INSL6: variants seen among roughly 807,000 people sequenced by gnomAD.
INSL6 encodes the protein insulin-like peptide INSL6.
In INSL6, 16 loss-of-function variants were observed where a neutral mutation model predicts 9.4. The observed-to-expected ratio is 1.70, with a 90% confidence interval of 1.15 to 2.59. The LOEUF (loss-of-function observed/expected upper bound fraction) is 2.59, where lower values mean the gene tolerates loss of function less well. INSL6 is among the 30% of genes most tolerant of loss of function. The probability of loss-of-function intolerance (pLI) is 0.00; values close to 1 mark genes in which losing one functional copy is unlikely to be tolerated. For missense variants in INSL6, 391 were observed against 257.3 expected, an observed-to-expected ratio of 1.52 and a Z score of -3.56; for synonymous variants, 154 against 96.9, an observed-to-expected ratio of 1.59 and a Z score of -3.46.
chr9:5,164,183 G>T lies in INSL6; in HGVS notation c.372C>A (p.Pro124=), dbSNP rs35192311. ...AAGAAAATTCTCTTGTCTTACCAAG[G>T]GGTGAATATCCCTTTTTATCCTTAT... ...PEYKDKKGYS[P]LGKTREFSSS... is the part of the protein sequence containing the mutation. The change falls in exon 2 of 2, where the codon CCC becomes CCA. Residue 124 remains proline (P), a synonymous_variant. Transcript: ENST00000381641. 15 of 1,606,976 alleles carry T rather than the reference G, an allele frequency of 9.3e-6. No individual in the cohort carries two copies. The highest frequency in any genetic ancestry group is 1.2e-5 in the Non-Finnish European group (14 of 1,177,290).
chr9:5,071,514 A>C, the INSL6 span, among the ~76,000 whole-genome samples: 2 of 152,208 alleles, frequency 1.3e-5, no homozygotes, highest in Non-Finnish European at 2.9e-5. Flanking sequence ...AAATATCCTC[A>C]TTGACATTAA....
chr9:5,111,624 T>A, the INSL6 span: 3 of 374,872 alleles, frequency 8.0e-6, no homozygotes, highest in South Asian at 6.1e-5. Flanking sequence ...TTTGGCCCCA[T>A]GCTGGGCGGG....
At chr9:5,064,509 G>A in the INSL6 span, among the ~76,000 whole-genome samples, 8 of 148,860 alleles carry the variant, frequency 5.4e-5, no homozygotes, top group South Asian at 2.1e-4. Flanking sequence ...CAGCCTGGGC[G>A]ATGGAGCAAG....
At chr9:5,075,827 C>T in the INSL6 span, among the ~76,000 whole-genome samples, 3 of 152,082 alleles carry the variant, frequency 2.0e-5, no homozygotes, top group Non-Finnish European at 4.4e-5. Context: ...GATAGTGATT[C>T]CTCTGGTGGA....
At chr9:5,024,255 CA>C in the INSL6 span, among the ~76,000 whole-genome samples, 5 of 151,168 alleles carry the variant, frequency 3.3e-5, no homozygotes, top group East Asian at 3.9e-4. Context: ...GACTCCATCT[CA>C]AAAAAAAATT....
downstream of INSL6, among the ~76,000 whole-genome samples, chr9:5,120,540 A>G (rs944698984): frequency 2.6e-5 from 4 of 152,154 alleles, no homozygotes; most frequent in African/African-American, 4.8e-5. Context: ...TAACTGGGGG[A>G]AAAAGTGCCT....
the INSL6 span, among the ~76,000 whole-genome samples, chr9:5,107,034 AAT>A: frequency 6.6e-6 from 1 of 152,156 alleles, no homozygotes; most frequent in African/African-American, 2.4e-5. Flanking sequence ...GTATAATAAA[AAT>A]ATATATACAT....
At chr9:5,083,397 C>T in the INSL6 span, among the ~76,000 whole-genome samples, 60 of 152,312 alleles carry the variant, frequency 3.9e-4, no homozygotes, top group African/African-American at 1.4e-3. Context: ...ATAAGGTTCT[C>T]ACTAGTAAGT....
At chr9:5,172,190 C>G (rs1159843038) in intron 1 of INSL6, among the ~76,000 whole-genome samples, 2 of 152,174 alleles carry the variant, frequency 1.3e-5, no homozygotes. Flanking sequence ...GACCGCACAT[C>G]TATGACCATC....
the INSL6 span, among the ~76,000 whole-genome samples, chr9:5,116,811 T>C: frequency 1.3e-5 from 2 of 152,168 alleles, no homozygotes; most frequent in Non-Finnish European, 2.9e-5. Flanking sequence ...CATAGTCCCT[T>C]CAAGAGCTCA....
chr9:5,050,234 CT>C, the INSL6 span, among the ~76,000 whole-genome samples: 1 of 152,086 alleles, frequency 6.6e-6, no homozygotes, highest in Non-Finnish European at 1.5e-5. Context: ...TGCAAATGAA[CT>C]TTTATTAAAA....
the INSL6 span, among the ~76,000 whole-genome samples, chr9:4,998,520 G>C: frequency 6.6e-6 from 1 of 152,140 alleles, no homozygotes; most frequent in Admixed American, 6.5e-5. Context: ...CTCCCAAAGT[G>C]CTGGGATTAC....
chr9:5,068,890 C>G, the INSL6 span: 32 of 555,372 alleles, frequency 5.8e-5, no homozygotes, highest in Non-Finnish European at 9.4e-5. Flanking sequence ...TATCACTATA[C>G]TGGCACTACA....
chr9:5,177,897 T>C (rs1825349165), intron 1 of INSL6, among the ~76,000 whole-genome samples: 1 of 152,018 alleles, frequency 6.6e-6, no homozygotes, highest in Non-Finnish European at 1.5e-5. Context: ...CTTTTTTGAG[T>C]TGGAGTCTCG....
chr9:5,167,774 A>C (rs540823439), intron 1 of INSL6, among the ~76,000 whole-genome samples: 1 of 152,258 alleles, frequency 6.6e-6, no homozygotes, highest in Admixed American at 6.5e-5. Context: ...TGGGTCCCTG[A>C]TCCTATTCCT....
At chr9:5,163,818 T>C, downstream of INSL6, 2 of 798,680 alleles carry the variant, frequency 2.5e-6, no homozygotes, top group Admixed American at 2.3e-5. Context: ...TCAGACATTT[T>C]TCACATCATA....
chr9:5,154,534 G>A (rs1264523147), intron 2 of INSL6, among the ~76,000 whole-genome samples: 6 of 152,110 alleles, frequency 3.9e-5, no homozygotes, highest in African/African-American at 1.4e-4. Flanking sequence ...GAGTGAACAG[G>A]CAACCTATAG....
At chr9:5,051,582 T>C in the INSL6 span, among the ~76,000 whole-genome samples, 2 of 152,204 alleles carry the variant, frequency 1.3e-5, no homozygotes, top group Admixed American at 6.5e-5. Flanking sequence ...TTCAAATTAT[T>C]CTTCTGCATA....
chr9:5,061,873 C>A, the INSL6 span, among the ~76,000 whole-genome samples: 4 of 152,154 alleles, frequency 2.6e-5, no homozygotes, highest in African/African-American at 7.2e-5. Flanking sequence ...GTGAATCTTC[C>A]TTTCACTTGA....
Sources: gnomAD v4.1 joint callset for allele counts (sites outside exome capture counted in the v4.1 genomes callset) on GRCh38, gnomAD v4.1.1 for gene constraint, MANE v1.5 for transcripts, NCBI Gene and HGNC (gene_info 2026-07-23, HGNC 2026-07-21) for gene names.